The following CDH13 variants were observed in gnomAD, a reference collection of about 807,000 sequenced individuals.
CDH13 encodes cadherin 13, also known as cadherin-13.
CDH13 carries 24 observed loss-of-function variants against 63.8 expected under a neutral mutation model. The observed-to-expected ratio is 0.38, with a 90% confidence interval of 0.27 to 0.53. The LOEUF is 0.53. CDH13 is among the 20% of genes least tolerant of loss of function. The pLI, the probability that CDH13 is intolerant of heterozygous loss-of-function variation, is 0.85. For synonymous variants in CDH13, 503 were observed against 355.3 expected, an observed-to-expected ratio of 1.42 and a Z score of -4.67; for missense variants, 1,049 against 903.1, an observed-to-expected ratio of 1.16 and a Z score of -2.07.
chr16:82,988,807 C>T lies in CDH13; in HGVS notation c.158-43203C>T, dbSNP rs570645344. ...GAGTAATGAAGGGCAGATTCAGGAC[C>T]GGGACTGGATGCTCACTCAGTAGGT... On this transcript the variant is annotated intron_variant, in intron 2 of 13. Transcript: ENST00000567109. 2.4e-3 allele frequency among the ~76,000 whole-genome samples: 369 copies of T among 151,070 alleles called. 2 individuals carry two copies. Among genetic ancestry groups the T allele is most frequent in the Middle Eastern group, 0.018 (5 of 284 alleles).
In CDH13 at chr16:83,533,655, C is replaced by G. The variant is rs570475234; in HGVS notation, c.960+47000C>G. On this transcript the variant is annotated intron_variant, in intron 7 of 13. Transcript: ENST00000567109. The stretch of plus-strand genomic sequence containing the variant: ...TTTTTTTTTGAGATGGAGTCTCACT[C>G]TGTCACCCAGGCTGGAGTGCAGTGG... 7.5e-5 allele frequency among the ~76,000 whole-genome samples: 10 copies of G among 133,660 alleles called. No individual in the cohort carries two copies. In the South Asian group the frequency reaches 1.2e-3, roughly 16 times the overall value. 87.7% of individuals were successfully genotyped at this position (133,660 alleles called of 152,430 possible).
chr16:82,706,621 C>T (rs1317739704), intron 1 of CDH13, among the ~76,000 whole-genome samples: 2 of 151,380 alleles, frequency 1.3e-5, no homozygotes, highest in Non-Finnish European at 2.9e-5. Flanking sequence ...ATGGTGAAAC[C>T]CCGTCTCTAC....
chr16:83,049,075 A>G (rs2029976744), intron 3 of CDH13, among the ~76,000 whole-genome samples: 1 of 152,166 alleles, frequency 6.6e-6, no homozygotes, highest in South Asian at 2.1e-4. Flanking sequence ...TGAAGCAATT[A>G]ATTTTTAATT....
At chr16:83,107,322 GGTT>G (rs996236440) in intron 3 of CDH13, among the ~76,000 whole-genome samples, 48 of 86,580 alleles carry the variant, frequency 5.5e-4, no homozygotes, top group African/African-American at 2.3e-3. Context: ...GGTTGGTGGT[GGTT>G]GTGGTGGTGG....
At chr16:83,334,708 C>T (rs1320672844) in intron 5 of CDH13, among the ~76,000 whole-genome samples, 1 of 152,090 alleles carries the variant, frequency 6.6e-6, no homozygotes, top group African/African-American at 2.4e-5. Context: ...TGATCAGCAA[C>T]CTTAATTCCA....
chr16:82,825,568 G>C, intron 1 of CDH13: 1 of 141,816 alleles, frequency 7.1e-6, no homozygotes, highest in Non-Finnish European at 1.5e-5. Context: ...CCCAAACAGA[G>C]TCTCCCTCTG....
At chr16:82,632,683 G>C (rs1473544498) in intron 1 of CDH13, among the ~76,000 whole-genome samples, 3 of 152,182 alleles carry the variant, frequency 2.0e-5, no homozygotes, top group Non-Finnish European at 4.4e-5. Context: ...TTTCGTGGAA[G>C]ACAATTTTTC....
At chr16:83,333,880 T>C (rs1348572439) in intron 5 of CDH13, among the ~76,000 whole-genome samples, 1 of 152,204 alleles carries the variant, frequency 6.6e-6, no homozygotes, top group Non-Finnish European at 1.5e-5. Context: ...GTGGCCACTG[T>C]ATTAATGTCC....
chr16:83,647,447 G>C (rs978033654), intron 8 of CDH13, among the ~76,000 whole-genome samples: 2 of 152,030 alleles, frequency 1.3e-5, no homozygotes, highest in Non-Finnish European at 2.9e-5. Context: ...CATTTTGCTT[G>C]TGCTTCCATA....
At chr16:82,861,405 A>G (rs1162017185) in intron 2 of CDH13, among the ~76,000 whole-genome samples, 1 of 152,212 alleles carries the variant, frequency 6.6e-6, no homozygotes, top group Non-Finnish European at 1.5e-5. Flanking sequence ...AGTTGTCTGA[A>G]AGTGCTGTCT....
chr16:83,526,353 T>A (rs2074958748), intron 7 of CDH13, among the ~76,000 whole-genome samples: 1 of 152,154 alleles, frequency 6.6e-6, no homozygotes, highest in Non-Finnish European at 1.5e-5. Context: ...CAGAAACCAG[T>A]TTCATGGAAG....
At chr16:82,960,508 G>A (rs909841548) in intron 2 of CDH13, among the ~76,000 whole-genome samples, 2 of 152,164 alleles carry the variant, frequency 1.3e-5, no homozygotes, top group Admixed American at 6.5e-5. Context: ...AGTGGAAAAG[G>A]ACTATGTCTA....
intron 1 of CDH13, among the ~76,000 whole-genome samples, chr16:82,723,817 G>T (rs75807361): frequency 0.06 from 9,082 of 152,190 alleles, 291 homozygotes; most frequent in Non-Finnish European, 0.068. Flanking sequence ...ATAAGAAATT[G>T]TGCCATGTGC....
At chr16:82,728,835 A>C (rs2033242538) in intron 1 of CDH13, among the ~76,000 whole-genome samples, 1 of 152,224 alleles carries the variant, frequency 6.6e-6, no homozygotes, top group Admixed American at 6.5e-5. Flanking sequence ...ACTTCTTTCA[A>C]AATTGGAGTC....
chr16:83,511,277 C>G (rs542034160), intron 7 of CDH13, among the ~76,000 whole-genome samples: 2 of 152,300 alleles, frequency 1.3e-5, no homozygotes, highest in Admixed American at 6.5e-5. Flanking sequence ...GCCTGGCCAA[C>G]ATGACAAAAC....
chr16:82,944,199 C>T (rs760996410), intron 2 of CDH13, among the ~76,000 whole-genome samples: 77 of 152,142 alleles, frequency 5.1e-4, no homozygotes, highest in African/African-American at 8.2e-4. Context: ...GCATGATTAA[C>T]GGACTGTGGA....
rs527720950 is a variant in CDH13 at position 83,289,972 on chromosome 16, C to T, written c.637-54890C>T. Among the ~76,000 whole-genome samples, 118 of 152,262 alleles carry T rather than the reference C, an allele frequency of 7.7e-4. 1 individual carries two copies. The highest frequency in any genetic ancestry group is 1.1e-3 in the Non-Finnish European group (76 of 68,018). ...AACAAGACTCTTCCTCTTATAGCCC[C>T]TTCTAATCACCAGCTTCTCCCCAGA... On this transcript the variant is annotated intron_variant, in intron 5 of 13. Coordinates refer to ENST00000567109, the MANE Select transcript of CDH13 (RefSeq NM_001257.5).
chr16:82,639,357 C>G (rs919904025), intron 1 of CDH13: 1 of 1,533,552 alleles, frequency 6.5e-7, no homozygotes, highest in African/African-American at 1.4e-5. Context: ...TGCTTTTGAC[C>G]AGGGCCAAAC....
intron 5 of CDH13, among the ~76,000 whole-genome samples, chr16:83,245,321 T>C (rs1178326453): frequency 6.6e-6 from 1 of 152,168 alleles, no homozygotes; most frequent in Non-Finnish European, 1.5e-5. Flanking sequence ...TCCTATTCAA[T>C]GTAGCATTAA....
Sources: allele counts gnomAD v4.1 joint callset (sites outside exome capture counted in the v4.1 genomes callset), GRCh38; gene constraint gnomAD v4.1.1; transcripts MANE v1.5; gene names NCBI Gene and HGNC (gene_info 2026-07-23, HGNC 2026-07-21).